Variants in HSPA14 observed in about 807,000 individuals in gnomAD.
The protein encoded by HSPA14 is heat shock protein family A (Hsp70) member 14, also known as heat shock 70 kDa protein 14.
HSPA14 carries 37 observed loss-of-function variants against 65.5 expected under a neutral mutation model. That is an observed-to-expected ratio of 0.56 (90% CI 0.43 to 0.74). The LOEUF is 0.74. Among genes scored for constraint, HSPA14 ranks in the 30% least tolerant of loss-of-function variants. The probability of loss-of-function intolerance (pLI) is 0.00; values close to 1 mark genes in which losing one functional copy is unlikely to be tolerated. For synonymous variants in HSPA14, 203 were observed against 214.2 expected, an observed-to-expected ratio of 0.95 and a Z score of 0.46; for missense variants, 564 against 607.6, an observed-to-expected ratio of 0.93 and a Z score of 0.75.
chr10:14,862,883 C>T (rs1478298082), intron 10 of HSPA14, among the ~76,000 whole-genome samples: 2 of 151,120 alleles, frequency 1.3e-5, no homozygotes, highest in African/African-American at 4.9e-5. Context: ...GGAGTTTCAC[C>T]ATGTCGCCCA....
intron 10 of HSPA14, among the ~76,000 whole-genome samples, chr10:14,864,249 A>AG (rs1392201397): frequency 6.7e-6 from 1 of 148,304 alleles, no homozygotes; most frequent in Non-Finnish European, 1.5e-5. Context: ...AAAAAAAAAA[A>AG]GTCAATATTT....
At chr10:14,849,961 T>C in intron 6 of HSPA14, 150 bp downstream of exon 6, 2 of 592,424 alleles carry the variant, frequency 3.4e-6, no homozygotes, top group Admixed American at 3.3e-5. Flanking sequence ...TTTATATGTA[T>C]ATATTTGATG....
At chr10:14,869,215 TTG>T (rs1054380732) in intron 12 of HSPA14, among the ~76,000 whole-genome samples, 1 of 148,990 alleles carries the variant, frequency 6.7e-6, no homozygotes, top group African/African-American at 2.5e-5. Flanking sequence ...TGATGAGATA[TTG>T]TGTGTGTACG....
intron 12 of HSPA14, 138 bp downstream of exon 12, chr10:14,868,047 A>G: frequency 1.5e-6 from 1 of 670,260 alleles, no homozygotes; most frequent in Non-Finnish European, 2.4e-6. Context: ...ATGAAGGCTC[A>G]TTTCTGAAAA....
chr10:14,862,848 T>C (rs912565269), intron 10 of HSPA14, among the ~76,000 whole-genome samples: 6 of 151,998 alleles, frequency 3.9e-5, no homozygotes, highest in African/African-American at 1.2e-4. Flanking sequence ...CCCACCTGGA[T>C]AATTTTTGTA....
In HSPA14 at chr10:14,842,740, C is replaced by T. The variant is rs760871888; in HGVS notation, c.221+2583C>T. ...CTCAGGCAGCTGATCATCAGCCTAT[C>T]TTGAAAACAGTTAAGGCATCAGATG... On this transcript the variant is annotated intron_variant, in intron 3 of 13. Transcript: ENST00000378372. This position sits in a 1 kb window ranked among gnomAD's most constrained non-coding sequence, Gnocchi z 5.2. The T allele has an allele frequency of 1.1e-5, 17 of 1,536,578 alleles. No individual in the cohort carries two copies. The highest frequency in any genetic ancestry group is 1.5e-5 in the Non-Finnish European group (17 of 1,146,990).
At chr10:14,870,401 A>G (rs942500139) in intron 12 of HSPA14, among the ~76,000 whole-genome samples, 196 bp from the exon 13 acceptor site, 3 of 152,204 alleles carry the variant, frequency 2.0e-5, no homozygotes, top group Admixed American at 2.0e-4. Context: ...CTCCTTCTGG[A>G]GGAAACATTT....
chr10:14,853,284 T>C (rs1588813041), intron 8 of HSPA14, among the ~76,000 whole-genome samples: 1 of 152,316 alleles, frequency 6.6e-6, no homozygotes, highest in East Asian at 1.9e-4. Flanking sequence ...ATATTGGAGA[T>C]AGTGGAATGT....
intron 3 of HSPA14, chr10:14,844,708 T>C: frequency 2.1e-6 from 2 of 969,406 alleles, no homozygotes; most frequent in Non-Finnish European, 2.5e-6. Context: ...ATACTGGCCA[T>C]TTTATAAAAT....
At chr10:14,841,154 CT>C (rs760838508) in intron 3 of HSPA14, 2 of 152,092 alleles carry the variant, frequency 1.3e-5, no homozygotes, top group Non-Finnish European at 2.9e-5. Context: ...TGATATTAAT[CT>C]TTTTCCTCAG....
chr10:14,838,586 G>A, intron 1 of HSPA14, 127 bp downstream of exon 1: 1 of 913,854 alleles, frequency 1.1e-6, no homozygotes, highest in Non-Finnish European at 1.6e-6. Flanking sequence ...GTTGCCGCGA[G>A]GACACTCCGG....
At chr10:14,843,690 C>T in intron 3 of HSPA14, 8 of 1,543,118 alleles carry the variant, frequency 5.2e-6, no homozygotes, top group Non-Finnish European at 3.5e-6. Context: ...CACGAGAACT[C>T]TCAAAGCGGG....
At position 14,842,661 on chromosome 10, in the gene HSPA14, TGG is replaced by T; in HGVS notation, c.221+2505_221+2506del. On this transcript the variant is annotated intron_variant, in intron 3 of 13. Transcript: ENST00000378372. The surrounding 1 kb of genome is among the most constrained non-coding windows in gnomAD (Gnocchi z 5.2). ...GCCAAGCACTGTGATCAGAACTTAGTGGCCTCTGACGCCCCAGGGGAAGAGGG... is the reference window on the plus strand; with the variant it reads ...GCCAAGCACTGTGATCAGAACTTAGTCCTCTGACGCCCCAGGGGAAGAGGG... 6.5e-7 allele frequency: 1 copy of T among 1,536,234 alleles called. No homozygotes were observed. The highest frequency in any genetic ancestry group is 1.2e-5 in the South Asian group (1 of 84,052).
In HSPA14 at chr10:14,842,118, C is replaced by T. The variant is rs72772418; in HGVS notation, c.221+1961C>T. On this transcript the variant is annotated intron_variant, in intron 3 of 13. Transcript: ENST00000378372. The surrounding 1 kb of genome is among the most constrained non-coding windows in gnomAD (Gnocchi z 5.2). The stretch of plus-strand genomic sequence containing the variant: ...TACACCCTTCCTGTAACTCTCATTC[C>T]CCTGTGGCCTTCCAGCCAGAAATGC... The T allele has an allele frequency of 1.1e-5, 16 of 1,518,722 alleles. No individual in the cohort carries two copies. The highest frequency in any genetic ancestry group is 4.1e-5 in the African/African-American group (3 of 72,808). The allele number at this position is 1,518,722 out of a possible 1,614,324, so 94.1% of individuals were successfully genotyped here.
chr10:14,849,473 T>C (rs1021254164), intron 5 of HSPA14: 2 of 596,498 alleles, frequency 3.4e-6, no homozygotes, highest in African/African-American at 1.8e-5. Flanking sequence ...CAGAAGATGG[T>C]TGATACTGAA....
At chr10:14,838,987 C>T (rs1419227455) in intron 1 of HSPA14, among the ~76,000 whole-genome samples, 2 of 152,132 alleles carry the variant, frequency 1.3e-5, no homozygotes, top group African/African-American at 4.8e-5. Flanking sequence ...GGCCGCAGAA[C>T]GCGCTGAGCT....
chr10:14,845,064 T>TGCCTGCAATAGATGACTCCTTTTAA, intron 3 of HSPA14: 1 of 985,436 alleles, frequency 1.0e-6, no homozygotes, highest in Non-Finnish European at 1.2e-6. Context: ...GGATAAAGAT[T>TGCCTGCAATAGATGACTCCTTTTAA]GCCTGCAATA....
intron 2 of HSPA14, 44 bp from the exon 3 acceptor site, chr10:14,840,031 C>A: frequency 6.9e-7 from 1 of 1,441,208 alleles, no homozygotes; most frequent in Non-Finnish European, 9.6e-7. Flanking sequence ...TTTAAAATTA[C>A]ATACATTGTA....
chr10:14,867,731 A>G lies in HSPA14; in HGVS notation c.1207-5A>G. On this transcript the variant is annotated splice_polypyrimidine_tract_variant and splice_region_variant and intron_variant, in intron 11 of 13. Coordinates refer to ENST00000378372, the MANE Select transcript of HSPA14 (RefSeq NM_016299.4). ...AGAGTATGCACCTTGTTTCCTGCTAACTAGGGTGTGGACGAATCAGGAGCC... is the reference window on the plus strand; with the variant it reads ...AGAGTATGCACCTTGTTTCCTGCTAGCTAGGGTGTGGACGAATCAGGAGCC... 1 of 1,610,266 alleles carries G rather than the reference A, an allele frequency of 6.2e-7. No homozygotes were observed.
Sources: gnomAD v4.1 joint callset for allele counts (sites outside exome capture counted in the v4.1 genomes callset) on GRCh38, gnomAD v4.1.1 for gene constraint, Gnocchi (gnomAD v3.1) non-coding constraint, MANE v1.5 for transcripts, NCBI Gene and HGNC (gene_info 2026-07-23, HGNC 2026-07-21) for gene names.